The following CTR9 variants were observed in gnomAD, a reference collection of about 807,000 sequenced individuals.
CTR9 encodes the protein RNA polymerase-associated protein CTR9 homolog.
A neutral mutation model predicts 152.1 loss-of-function variants in CTR9; 41 were observed. The observed-to-expected ratio is 0.27, with a 90% confidence interval of 0.21 to 0.35. The LOEUF is 0.35. Ranked by LOEUF, CTR9 falls within the 10% of genes least tolerant of loss-of-function variation. The probability of loss-of-function intolerance (pLI) is 1.00; values close to 1 mark genes in which losing one functional copy is unlikely to be tolerated. For synonymous variants in CTR9, 476 were observed against 496.2 expected (o/e 0.96, Z 0.54); for missense variants, 917 against 1,424.4 (o/e 0.64, Z 5.73).
At chr11:10,752,607 G>A in intron 1 of CTR9, 65 bp from the exon 2 acceptor site, 4 of 1,150,476 alleles carry the variant, frequency 3.5e-6, no homozygotes, top group Non-Finnish European at 5.3e-6. Context: ...TTCACGAAAA[G>A]CAGCAAAGAT....
chr11:10,766,576 A>G (rs1590022806), intron 13 of CTR9, 86 bp downstream of exon 13: 1 of 913,792 alleles, frequency 1.1e-6, no homozygotes, highest in East Asian at 2.7e-5. Context: ...TAATGGCTAC[A>G]TCTTCCTGGT....
intron 12 of CTR9, among the ~76,000 whole-genome samples, chr11:10,766,056 T>TA (rs1401479438): frequency 7.2e-5 from 11 of 152,158 alleles, no homozygotes; most frequent in African/African-American, 2.4e-4. Context: ...GCAGCTTTTT[T>TA]TAAAAAAAGG....
chr11:10,759,981 G>C (rs889427000), intron 5 of CTR9, among the ~76,000 whole-genome samples, 192 bp from the exon 6 acceptor site: 29 of 152,180 alleles, frequency 1.9e-4, no homozygotes, highest in African/African-American at 7.0e-4. Context: ...ATAGAGGAGA[G>C]GGTTGGAATA....
At chr11:10,756,020 A>AG (rs905365766) in intron 4 of CTR9, among the ~76,000 whole-genome samples, 1 of 152,226 alleles carries the variant, frequency 6.6e-6, no homozygotes, top group Non-Finnish European at 1.5e-5. Context: ...GTATAATCTC[A>AG]GCACTTTGAG....
At chr11:10,764,058 AT>A in intron 9 of CTR9, 53 bp from the exon 10 acceptor site, 2 of 1,569,994 alleles carry the variant, frequency 1.3e-6, no homozygotes, top group Non-Finnish European at 1.8e-6. Flanking sequence ...CCCACTTTTT[AT>A]TTTGACAACC....
chr11:10,770,328 T>C lies in CTR9; in HGVS notation c.2226+2T>C. The stretch of plus-strand genomic sequence containing the variant: ...GAATGCAAACAGACTTTGCTGAAGG[T>C]AAAAAGGAGAGATGTTATTCCCATC... On this transcript the variant is annotated splice_donor_variant, in intron 17 of 24. Coordinates refer to ENST00000361367, the MANE Select transcript of CTR9 (RefSeq NM_014633.5). LOFTEE classifies it high-confidence loss of function. The C allele has an allele frequency of 6.2e-7, 1 of 1,610,866 alleles. No homozygotes were observed. The highest frequency in any genetic ancestry group is 8.5e-7 in the Non-Finnish European group (1 of 1,178,094).
At chr11:10,770,695 A>G (rs1564970936) in intron 18 of CTR9, 63 bp downstream of exon 18, 37 of 1,441,466 alleles carry the variant, frequency 2.6e-5, no homozygotes, top group Non-Finnish European at 3.4e-5. Context: ...TACCATCTTG[A>G]ACTCTCCCGA....
chr11:10,765,812 T>G (rs1448836779), intron 12 of CTR9, among the ~76,000 whole-genome samples: 1 of 152,144 alleles, frequency 6.6e-6, no homozygotes, highest in Non-Finnish European at 1.5e-5. Context: ...GATGCAAAAG[T>G]GATTTAAAAT....
chr11:10,759,744 G>T (rs533314716), intron 5 of CTR9, among the ~76,000 whole-genome samples: 1 of 152,282 alleles, frequency 6.6e-6, no homozygotes, highest in African/African-American at 2.4e-5. Context: ...TTGTGTTTTG[G>T]CATGGCCTTA....
chr11:10,755,805 C>T lies in CTR9; in HGVS notation c.502+10C>T. ...ATTCCAGCCCTTCTTGGTAAGTGGT[C>T]TTTGGCAACATGTTAGGAAACAGTT... On this transcript the variant is annotated intron_variant, in intron 4 of 24. Transcript: ENST00000361367. 1 of 1,523,732 alleles carries T rather than the reference C, an allele frequency of 6.6e-7. No individual in the cohort carries two copies. Among genetic ancestry groups the T allele is most frequent in the Non-Finnish European group, 9.1e-7 (1 of 1,101,180 alleles). 94.4% of individuals were successfully genotyped at this position (1,523,732 alleles called of 1,614,324 possible). A position where few individuals can be genotyped will look rare whatever the true frequency, so the allele number is the denominator to read the frequency against.
rs759450609 is a variant in CTR9, at chr11:10,755,077, A to G, written c.264A>G (p.Thr88=). 3.5e-5 allele frequency: 57 copies of G among 1,614,010 alleles called. No homozygotes were observed. Among genetic ancestry groups the G allele is most frequent in the Non-Finnish European group, 4.8e-5 (57 of 1,179,998 alleles). Residue 88 remains threonine, a synonymous_variant, in exon 3 of 25, where the codon ACA becomes ACG. Transcript: ENST00000361367. ...AAGACCAGATGACTTGCTTGGATAC[A>G]TTGGCAGCGTATTATGTACAACAGG... ...HEKDQMTCLD[T]LAAYYVQQAR... is the part of the protein sequence containing the mutation.
chr11:10,758,672 A>G (rs1024777259), intron 5 of CTR9, among the ~76,000 whole-genome samples: 1 of 152,228 alleles, frequency 6.6e-6, no homozygotes, highest in African/African-American at 2.4e-5. Flanking sequence ...GAATGTGGCT[A>G]TACAACCTGA....
chr11:10,777,328 TTGAGACTAGCCTGGGCAGCACAG>T (rs1435316531), intron 24 of CTR9, among the ~76,000 whole-genome samples: 8 of 152,026 alleles, frequency 5.3e-5, no homozygotes, highest in African/African-American at 1.2e-4. Flanking sequence ...GGCCAGAAGT[TTGAGACTAGCCTGGGCAGCACAG>T]TGAGACTAGC....
At chr11:10,756,953 C>T in intron 5 of CTR9, 115 bp downstream of exon 5, 3 of 805,380 alleles carry the variant, frequency 3.7e-6, no homozygotes, top group Middle Eastern at 2.7e-4. Context: ...ATAGAAATGT[C>T]AGAATCAAGT....
chr11:10,756,716 A>G (rs1862890193), intron 4 of CTR9, 33 bp from the exon 5 acceptor site: 6 of 1,468,138 alleles, frequency 4.1e-6, no homozygotes, highest in Non-Finnish European at 4.7e-6. Flanking sequence ...GCCTTTAATC[A>G]GACACTGTGT....
intron 14 of CTR9, 34 bp from the exon 15 acceptor site, chr11:10,768,039 GT>G (rs1564969716): frequency 2.5e-6 from 4 of 1,613,542 alleles, no homozygotes; most frequent in Non-Finnish European, 3.4e-6. Context: ...CTACATTCTC[GT>G]TTGAATCTTT....
In CTR9 at chr11:10,779,126, T is replaced by G. The variant is rs945463998; in HGVS notation, c.*21T>G. 6.4e-7 allele frequency: 1 copy of G among 1,566,828 alleles called. No individual in the cohort carries two copies. The highest frequency in any genetic ancestry group is 1.2e-5 in the South Asian group (1 of 85,496). ...ACTAGGTTTTATTTCATCAATAAGC[T>G]TCATCTCTGGAGGAAACTTTTTTAA... On this transcript the variant is annotated 3_prime_UTR_variant, in exon 25 of 25. Transcript: ENST00000361367.
chr11:10,777,014 A>T (rs1032221962), intron 24 of CTR9, among the ~76,000 whole-genome samples: 1 of 142,006 alleles, frequency 7.0e-6, no homozygotes, highest in African/African-American at 2.6e-5. Context: ...TTATAGTTGG[A>T]TTAATGTATC....
chr11:10,767,728 A>G lies in CTR9; in HGVS notation c.1687-78A>G. The G allele has an allele frequency of 8.1e-7, 1 of 1,232,132 alleles. No individual in the cohort carries two copies. Among genetic ancestry groups the G allele is most frequent in the East Asian group, 2.3e-5 (1 of 42,994 alleles). The allele number at this position is 1,232,132 out of a possible 1,614,324, so 76.3% of individuals were successfully genotyped here. On this transcript the variant is annotated intron_variant, in intron 13 of 24. Coordinates refer to ENST00000361367, the MANE Select transcript of CTR9 (RefSeq NM_014633.5). This position sits in a 1 kb window ranked among gnomAD's most constrained non-coding sequence, Gnocchi z 4.0. ...ATATAGTTTGTAAACCTCTTCAGTAATCAGCTATTGTGGGAAGATGATTGA... is the reference window on the plus strand; with the variant it reads ...ATATAGTTTGTAAACCTCTTCAGTAGTCAGCTATTGTGGGAAGATGATTGA...
Sources: gnomAD v4.1 joint callset for allele counts (sites outside exome capture counted in the v4.1 genomes callset) on GRCh38, gnomAD v4.1.1 for gene constraint, Gnocchi (gnomAD v3.1) non-coding constraint, MANE v1.5 for transcripts, NCBI Gene and HGNC (gene_info 2026-07-23, HGNC 2026-07-21) for gene names.